NRP2: variants seen among roughly 807,000 people sequenced by gnomAD.
The protein encoded by NRP2 is neuropilin-2.
A neutral mutation model predicts 110.4 loss-of-function variants in NRP2; 52 were observed. The observed-to-expected ratio is 0.47, with a 90% CI of 0.38 to 0.59. The LOEUF (loss-of-function observed/expected upper bound fraction) is 0.59, where lower values mean the gene tolerates loss of function less well. Among genes scored for constraint, NRP2 ranks in the 20% least tolerant of loss-of-function variants. The pLI is 0.00. For synonymous variants in NRP2, 508 were observed against 468.9 expected (o/e 1.08, Z -1.08); for missense variants, 1,049 against 1,203.0 (o/e 0.87, Z 1.89).
At chr2:205,696,362 G>C (rs1023824933) in intron 1 of NRP2, among the ~76,000 whole-genome samples, 1 of 152,120 alleles carries the variant, frequency 6.6e-6, no homozygotes, top group African/African-American at 2.4e-5. Context: ...CATAATTCAC[G>C]GGCCCATGCT....
intron 8 of NRP2, 67 bp from the exon 9 acceptor site, chr2:205,743,129 CCTTCTTA>C: frequency 6.3e-7 from 1 of 1,599,798 alleles, no homozygotes; most frequent in Middle Eastern, 1.7e-4. Context: ...TTTGCAGCTC[CCTTCTTA>C]TAGCGGGTGG....
intron 15 of NRP2, 92 bp downstream of exon 15, chr2:205,766,895 A>G: frequency 1.7e-6 from 2 of 1,184,030 alleles, no homozygotes; most frequent in Non-Finnish European, 2.5e-6. Context: ...ATCAACCTCC[A>G]AATTTGTCAA....
Position 205,752,777 on chromosome 2 carries a change from G to A in NRP2, c.1904-58G>A, listed in dbSNP as rs535334624. ...CAGCCATTTAAATAGTACCACTGTG[G>A]CTGTTCTCTGAACCCATTTCATTTG... is the stretch of plus-strand genomic sequence containing the variant. On this transcript the variant is annotated intron_variant, in intron 11 of 16. Transcript: ENST00000357785. The A allele has an allele frequency of 4.6e-5, 74 of 1,592,508 alleles. No homozygotes were observed. In the Middle Eastern group the frequency reaches 1.0e-3, roughly 21 times the overall value.
intron 7 of NRP2, among the ~76,000 whole-genome samples, chr2:205,739,715 C>A (rs2057407200): frequency 1.6e-5 from 2 of 127,202 alleles, no homozygotes; most frequent in Admixed American, 8.8e-5. Flanking sequence ...GCAGAGAGCA[C>A]AAAAAAGCAT....
intron 14 of NRP2, 96 bp downstream of exon 14, chr2:205,765,666 G>C: frequency 1.9e-6 from 2 of 1,039,804 alleles, no homozygotes; most frequent in Non-Finnish European, 3.0e-6. Context: ...CAATGCAGTC[G>C]TTACCCAGTG....
chr2:205,786,353 C>T (rs914515350), intron 15 of NRP2, among the ~76,000 whole-genome samples: 4 of 152,138 alleles, frequency 2.6e-5, no homozygotes, highest in African/African-American at 9.7e-5. Context: ...CTGGAGGCTA[C>T]TCATCTGAAA....
chr2:205,789,593 C>T (rs968788030), intron 15 of NRP2, among the ~76,000 whole-genome samples: 3 of 152,228 alleles, frequency 2.0e-5, no homozygotes, highest in African/African-American at 4.8e-5. Context: ...GCCATTTCCC[C>T]TTTCCAGGGA....
intron 15 of NRP2, chr2:205,777,723 G>A (rs2058122011): frequency 6.6e-6 from 1 of 152,168 alleles, no homozygotes; most frequent in South Asian, 2.1e-4. Flanking sequence ...TTCCTTTCAT[G>A]GTGTTAATGT....
chr2:205,749,519 A>G (rs560482208), intron 10 of NRP2, among the ~76,000 whole-genome samples: 2 of 152,168 alleles, frequency 1.3e-5, no homozygotes, highest in South Asian at 2.1e-4. Context: ...TACCTCTGTC[A>G]CTGCTGGTTC....
intron 9 of NRP2, among the ~76,000 whole-genome samples, chr2:205,744,934 C>CCCTAT (rs1559343050): frequency 1.3e-5 from 2 of 152,208 alleles, no homozygotes; most frequent in African/African-American, 4.8e-5. Context: ...TGGGAGACAG[C>CCCTAT]CCTATCCGAG....
intron 10 of NRP2, among the ~76,000 whole-genome samples, chr2:205,747,082 T>C (rs1559344694): frequency 1.3e-5 from 2 of 152,334 alleles, no homozygotes; most frequent in East Asian, 1.9e-4. Flanking sequence ...GCTTCATTTA[T>C]GTGCCCTGGA....
Position 205,726,079 on chromosome 2 carries a change from CCAG to C in NRP2, c.988_990del (p.Gln330del). 6.2e-7 allele frequency: 1 copy of C among 1,614,160 alleles called. No homozygotes were observed. The highest frequency in any genetic ancestry group is 8.5e-7 in the Non-Finnish European group (1 of 1,180,020). ...ACTTGGATTCCAACAAGGAGTATCT[CCAG>C]GTACTTGTGCAGATACCAGAGGATG... On this transcript the variant is annotated inframe_deletion and splice_region_variant, in exon 6 of 17. Coordinates refer to ENST00000357785, the MANE Select transcript of NRP2 (RefSeq NM_003872.3).
At chr2:205,717,166 G>A (rs2056915939) in intron 3 of NRP2, among the ~76,000 whole-genome samples, 1 of 151,634 alleles carries the variant, frequency 6.6e-6, no homozygotes, top group African/African-American at 2.4e-5. Flanking sequence ...GTCCTCTTCT[G>A]TGATGTGTGG....
Position 205,763,529 on chromosome 2 carries a change from G to T in NRP2, c.2045-145G>T, listed in dbSNP as rs1250210039. The T allele has an allele frequency of 9.3e-7, 1 of 1,079,190 alleles. No individual in the cohort carries two copies. Among genetic ancestry groups the T allele is most frequent in the Non-Finnish European group, 1.4e-6 (1 of 704,134 alleles). The allele number at this position is 1,079,190 out of a possible 1,614,324, so 66.9% of individuals were successfully genotyped here. On this transcript the variant is annotated intron_variant, in intron 12 of 16. Coordinates refer to ENST00000357785, the MANE Select transcript of NRP2 (RefSeq NM_003872.3). This position sits in a 1 kb window ranked among gnomAD's most constrained non-coding sequence, Gnocchi z 4.0. ...GGCTCTGAAGGAGCCTTAAGAAAGGGTCACAGAGCCTGGAGAACAAGGACA... is the reference window on the plus strand; with the variant it reads ...GGCTCTGAAGGAGCCTTAAGAAAGGTTCACAGAGCCTGGAGAACAAGGACA...
intron 15 of NRP2, 45 bp from the exon 16 acceptor site, chr2:205,792,190 G>C (rs1357692695): frequency 3.7e-6 from 5 of 1,343,802 alleles, no homozygotes; most frequent in Non-Finnish European, 5.4e-6. Flanking sequence ...TAGCCATGGT[G>C]ATAGAACTTG....
At chr2:205,727,406 G>A (rs944157718) in intron 6 of NRP2, among the ~76,000 whole-genome samples, 1 of 152,314 alleles carries the variant, frequency 6.6e-6, no homozygotes, top group Middle Eastern at 3.4e-3. Context: ...AGTGACCTGA[G>A]CAACTAAATA....
rs139877019 is a variant in NRP2 at position 205,682,982 on chromosome 2, G to A, written c.-309G>A. ...TCGGGAAATACTCGTGATATTTGTAGGATAAAGGAAATGACACTTTGAGGA... is the reference window on the plus strand; with the variant it reads ...TCGGGAAATACTCGTGATATTTGTAAGATAAAGGAAATGACACTTTGAGGA... On this transcript the variant is annotated 5_prime_UTR_variant, in exon 1 of 17. Transcript: ENST00000357785. This position sits in a 1 kb window ranked among gnomAD's most constrained non-coding sequence, Gnocchi z 4.3. 382 of 355,566 alleles carry A rather than the reference G, an allele frequency of 1.1e-3. 3 individuals are homozygous for A. Among genetic ancestry groups the A allele is most frequent in the Middle Eastern group, 8.7e-3 (10 of 1,148 alleles). 22.0% of individuals were successfully genotyped at this position (355,566 alleles called of 1,614,324 possible).
At chr2:205,684,627 G>A (rs192215613) in intron 1 of NRP2, among the ~76,000 whole-genome samples, 1 of 152,176 alleles carries the variant, frequency 6.6e-6, no homozygotes, top group East Asian at 1.9e-4. Context: ...GAAAATTCAG[G>A]AATGCCTTTG....
At chr2:205,716,523 T>A (rs1049360552) in intron 3 of NRP2, 149 bp downstream of exon 3, 2 of 477,818 alleles carry the variant, frequency 4.2e-6, no homozygotes, top group African/African-American at 4.9e-5. Flanking sequence ...ACAAACATCA[T>A]GAGAAGAAGA....
Sources: allele counts gnomAD v4.1 joint callset (sites outside exome capture counted in the v4.1 genomes callset), GRCh38; gene constraint gnomAD v4.1.1; non-coding constraint Gnocchi (gnomAD v3.1); transcripts MANE v1.5; gene names NCBI Gene and HGNC (gene_info 2026-07-23, HGNC 2026-07-21).